GRIP1: variants seen among roughly 807,000 people sequenced by gnomAD.
The protein encoded by GRIP1 is glutamate receptor interacting protein 1.
In GRIP1, 45 loss-of-function variants were observed where a neutral mutation model predicts 129.9. The ratio of observed to expected loss-of-function variants is 0.35; its 90% CI spans 0.27 to 0.44. The LOEUF is 0.44. Ranked by LOEUF, GRIP1 falls within the 20% of genes least tolerant of loss-of-function variation. GRIP1 has a pLI of 1.00. For synonymous variants in GRIP1, 530 were observed against 520.8 expected (o/e 1.02, Z -0.24); for missense variants, 1,196 against 1,396.8 (o/e 0.86, Z 2.29).
intron 1 of GRIP1, among the ~76,000 whole-genome samples, chr12:66,601,858 T>G (rs1413246415): frequency 2.0e-5 from 3 of 152,284 alleles, no homozygotes; most frequent in Non-Finnish European, 2.9e-5. Flanking sequence ...TGCCACACAA[T>G]TTAGTACCTA....
At chr12:66,434,961 C>T (rs1474014557) in intron 13 of GRIP1, among the ~76,000 whole-genome samples, 1 of 152,214 alleles carries the variant, frequency 6.6e-6, no homozygotes, top group East Asian at 1.9e-4. Flanking sequence ...CAGTGAATGC[C>T]TCTTCTCTGA....
intron 16 of GRIP1, among the ~76,000 whole-genome samples, chr12:66,403,241 G>A (rs1408122583): frequency 3.9e-5 from 6 of 152,160 alleles, no homozygotes; most frequent in Admixed American, 3.9e-4. Context: ...CCCAAGTGGT[G>A]TACACGGTAC....
rs145795567 is a variant in GRIP1 at position 67,034,134 on chromosome 12, T to C, written c.58+34916A>G. Among the ~76,000 whole-genome samples the C allele has an allele frequency of 2.4e-3, 364 of 152,298 alleles. 2 individuals are homozygous for C. The highest frequency in any genetic ancestry group is 8.4e-3 in the African/African-American group (349 of 41,554). On this transcript the variant is annotated intron_variant, in intron 1 of 1. Transcript: ENST00000643019. The stretch of plus-strand genomic sequence containing the variant: ...CAGGCAAGTCAAACTTTTCAGTCAA[T>C]GTTTCAAGAACCAACAAAGAACTTA...
intron 1 of GRIP1, among the ~76,000 whole-genome samples, chr12:66,624,136 A>G (rs2065387638): frequency 6.6e-6 from 1 of 152,158 alleles, no homozygotes; most frequent in Non-Finnish European, 1.5e-5. Flanking sequence ...TTTCTACAAT[A>G]AGATAGAAGT....
At chr12:66,838,813 G>A (rs550700907) in intron 1 of GRIP1, among the ~76,000 whole-genome samples, 1 of 152,292 alleles carries the variant, frequency 6.6e-6, no homozygotes, top group East Asian at 1.9e-4. Context: ...AAGAAAGGAT[G>A]ACAGAATAGG....
intron 15 of GRIP1, among the ~76,000 whole-genome samples, chr12:66,408,451 T>A (rs1318925697): frequency 6.6e-6 from 1 of 152,108 alleles, no homozygotes; most frequent in Non-Finnish European, 1.5e-5. Context: ...CACTCCAGCC[T>A]GGGCAACAGA....
chr12:66,565,395 T>G (rs1198518951), intron 2 of GRIP1, among the ~76,000 whole-genome samples: 7 of 152,266 alleles, frequency 4.6e-5, no homozygotes, highest in South Asian at 4.2e-4. Flanking sequence ...TTTCCCCATT[T>G]CTTGTTTTTG....
chr12:66,730,193 T>A (rs1028945438), intron 1 of GRIP1, among the ~76,000 whole-genome samples: 1 of 152,164 alleles, frequency 6.6e-6, no homozygotes, highest in Non-Finnish European at 1.5e-5. Flanking sequence ...CCAATAAATT[T>A]ATGCCATACT....
intron 7 of GRIP1, among the ~76,000 whole-genome samples, chr12:66,511,656 TC>T (rs1054691344): frequency 6.6e-6 from 1 of 152,090 alleles, no homozygotes; most frequent in South Asian, 2.1e-4. Flanking sequence ...TTAGAGGAGA[TC>T]AGTCTTGTTT....
intron 10 of GRIP1, 96 bp from the exon 11 acceptor site, chr12:66,455,660 A>T (rs545399573): frequency 9.1e-7 from 1 of 1,095,298 alleles, no homozygotes; most frequent in South Asian, 1.3e-5. Context: ...GACACACATG[A>T]TGCATAGCAA....
intron 1 of GRIP1, among the ~76,000 whole-genome samples, chr12:67,062,419 C>A (rs779238245): frequency 2.2e-4 from 33 of 152,174 alleles, no homozygotes; most frequent in Non-Finnish European, 8.8e-5. Context: ...ATGCTCCTTG[C>A]CTGAAATTCC....
At chr12:66,482,189 C>T (rs2059825278) in intron 7 of GRIP1, among the ~76,000 whole-genome samples, 1 of 152,138 alleles carries the variant, frequency 6.6e-6, no homozygotes, top group Non-Finnish European at 1.5e-5. Context: ...ACAGAAGGTG[C>T]CTGATGCTCC....
Position 66,916,503 on chromosome 12 carries a change from C to A in GRIP1, c.58+152547G>T, listed in dbSNP as rs1232480222. 2.0e-5 allele frequency among the ~76,000 whole-genome samples: 3 copies of A among 152,068 alleles called. No homozygotes were observed. In the East Asian group the frequency reaches 5.8e-4, roughly 29 times the overall value. On this transcript the variant is annotated intron_variant, in intron 1 of 1. Transcript: ENST00000643019. ...GCCTTCCAGCAACCCCTTTCAGAAG[C>A]CACCAGTGTGCTGTAAAGTGCCTTT...
At chr12:66,832,659 A>G (rs1241685358) in intron 1 of GRIP1, among the ~76,000 whole-genome samples, 2 of 152,216 alleles carry the variant, frequency 1.3e-5, no homozygotes, top group Non-Finnish European at 2.9e-5. Flanking sequence ...TGAAGAAAAT[A>G]TCCAAATTAT....
rs764412904 is a variant in GRIP1 at position 66,406,375 on chromosome 12, A to C, written c.1892T>G (p.Leu631Arg). 1 of 1,614,144 alleles carries C rather than the reference A, an allele frequency of 6.2e-7. No individual in the cohort carries two copies. Among genetic ancestry groups the C allele is most frequent in the South Asian group, 1.1e-5 (1 of 91,084 alleles). Reference protein sequence around the residue: ...DKLLAIDNIRLDNCSMEDAVQ... With the variant: ...DKLLAIDNIRRDNCSMEDAVQ... Reference sequence around the variant, plus strand: ...TGCATCTTCCATGGAACAGTTGTCCAGCCGGATATTATCTATTGCGAGCAA... The same window carrying C: ...TGCATCTTCCATGGAACAGTTGTCCCGCCGGATATTATCTATTGCGAGCAA... The change falls in exon 16 of 25, where the codon CTG (leucine) becomes CGG (arginine). Residue 631 changes from leucine to arginine, a missense_variant. By Grantham distance (102) the Leu-to-Arg change is moderately radical. Around this residue, in one of 5 missense-constraint regions of GRIP1, gnomAD observed 508 missense variants for 587.0 expected, o/e 0.87. Transcript: ENST00000359742.
intron 1 of GRIP1, among the ~76,000 whole-genome samples, chr12:66,799,457 G>A (rs752892056): frequency 2.0e-5 from 3 of 152,114 alleles, no homozygotes; most frequent in Non-Finnish European, 2.9e-5. Flanking sequence ...CTGTCAGTCT[G>A]ATGATCCCAC....
chr12:66,451,421 T>TTTTTTTTTTC lies in GRIP1; in HGVS notation c.1354+3987_1354+3988insGAAAAAAAAA, dbSNP rs1565752142. ...TTTTTTTTTTTTTTTTTTTTTTTTT[T>TTTTTTTTTTC]CAGATAGGCTCTCACTCTGTTGCCC... On this transcript the variant is annotated intron_variant, in intron 11 of 24. Transcript: ENST00000359742. Among the ~76,000 whole-genome samples the TTTTTTTTTTC allele has an allele frequency of 3.5e-5, 4 of 115,558 alleles. 1 individual carries two copies. Among genetic ancestry groups the TTTTTTTTTTC allele is most frequent in the African/African-American group, 1.4e-4 (4 of 27,866 alleles). 75.8% of individuals were successfully genotyped at this position (115,558 alleles called of 152,430 possible). A position where few individuals can be genotyped will look rare whatever the true frequency, so the allele number is the denominator to read the frequency against.
intron 2 of GRIP1, among the ~76,000 whole-genome samples, chr12:66,569,701 A>G (rs563409118): frequency 1.3e-5 from 2 of 152,260 alleles, no homozygotes; most frequent in African/African-American, 4.8e-5. Context: ...GCAAGAAAGT[A>G]ATTTGCAAGA....
intron 14 of GRIP1, among the ~76,000 whole-genome samples, 164 bp downstream of exon 14, chr12:66,432,384 A>G (rs1052540948): frequency 3.3e-5 from 5 of 152,200 alleles, no homozygotes; most frequent in Admixed American, 3.3e-4. Flanking sequence ...TGTCTCATTC[A>G]TACAGCCAGT....
Sources: gnomAD v4.1 joint callset for allele counts (sites outside exome capture counted in the v4.1 genomes callset) on GRCh38, gnomAD v4.1.1 for gene constraint, gnomAD v4.1.1 regional missense constraint, MANE v1.5 for transcripts, NCBI Gene and HGNC (gene_info 2026-07-23, HGNC 2026-07-21) for gene names.